Variants in DPP6 observed in about 807,000 individuals in gnomAD.
DPP6 encodes the protein dipeptidyl peptidase like 6, also known as A-type potassium channel modulatory protein DPP6.
In DPP6, 69 loss-of-function variants were observed where a neutral mutation model predicts 122.6. That is an observed-to-expected ratio of 0.56 (90% CI 0.46 to 0.69). The LOEUF is 0.69. DPP6 is among the 30% of genes least tolerant of loss of function. The pLI, the probability that DPP6 is intolerant of heterozygous loss-of-function variation, is 0.00. For missense variants in DPP6, 928 were observed against 1,116.9 expected, an observed-to-expected ratio of 0.83 and a Z score of 2.41; for synonymous variants, 418 against 433.1, an observed-to-expected ratio of 0.97 and a Z score of 0.43.
At chr7:154,547,392 C>T (rs533356603) in intron 4 of DPP6, among the ~76,000 whole-genome samples, 10 of 152,120 alleles carry the variant, frequency 6.6e-5, no homozygotes, top group Admixed American at 1.3e-4. Flanking sequence ...AGATTTCTGG[C>T]GTCTCTTGAA....
intron 1 of DPP6, among the ~76,000 whole-genome samples, chr7:154,132,119 G>A (rs1462248813): frequency 6.6e-6 from 1 of 152,006 alleles, no homozygotes; most frequent in African/African-American, 2.4e-5. Flanking sequence ...AGGTCTTAGT[G>A]TTCTACCTGG....
chr7:154,155,255 C>G (rs1796621845), intron 1 of DPP6, among the ~76,000 whole-genome samples: 1 of 152,204 alleles, frequency 6.6e-6, no homozygotes, highest in Non-Finnish European at 1.5e-5. Context: ...GGGTTTAGAA[C>G]CTTGTCCCCG....
Position 154,166,638 on chromosome 7 carries a change from T to C in DPP6, c.243+113575T>C, listed in dbSNP as rs749086525. On this transcript the variant is annotated intron_variant, in intron 1 of 25. Transcript: ENST00000377770. ...TAGAAAAGTTTTCATATGGCCGGGC[T>C]CAGTGGCTCATGCTGTAATCCCGGC... is the stretch of plus-strand genomic sequence containing the variant. Among the ~76,000 whole-genome samples, 31 of 142,416 alleles carry C rather than the reference T, an allele frequency of 2.2e-4. 1 individual carries two copies. Among genetic ancestry groups the C allele is most frequent in the Non-Finnish European group, 4.3e-4 (29 of 67,260 alleles). 93.4% of individuals were successfully genotyped at this position (142,416 alleles called of 152,430 possible). A position where few individuals can be genotyped will look rare whatever the true frequency, so the allele number is the denominator to read the frequency against.
intron 1 of DPP6, among the ~76,000 whole-genome samples, chr7:154,268,339 G>A (rs1803570036): frequency 6.6e-6 from 1 of 152,160 alleles, no homozygotes; most frequent in African/African-American, 2.4e-5. Context: ...ATTGCTCACG[G>A]TTCTGGAACT....
At chr7:153,877,241 CT>C in the DPP6 span, among the ~76,000 whole-genome samples, 1 of 152,120 alleles carries the variant, frequency 6.6e-6, no homozygotes, top group Non-Finnish European at 1.5e-5. Context: ...TGCAATCACA[CT>C]TACCTTAAGA....
At chr7:154,592,592 C>T (rs1203633479) in intron 5 of DPP6, among the ~76,000 whole-genome samples, 1 of 151,908 alleles carries the variant, frequency 6.6e-6, no homozygotes, top group Non-Finnish European at 1.5e-5. Context: ...AGGTAAAGGA[C>T]AGGGAGCAAA....
intron 16 of DPP6, among the ~76,000 whole-genome samples, chr7:154,818,270 C>T (rs1425024003): frequency 2.0e-5 from 3 of 152,038 alleles, no homozygotes; most frequent in Middle Eastern, 3.2e-3. Flanking sequence ...AGGCTGTTGC[C>T]CAGGGTTTCT....
intron 5 of DPP6, among the ~76,000 whole-genome samples, chr7:154,630,784 G>T (rs1835360022): frequency 6.6e-6 from 1 of 152,032 alleles, no homozygotes; most frequent in Non-Finnish European, 1.5e-5. Flanking sequence ...GGGCCTGTCG[G>T]GGGATGGGAG....
At chr7:154,699,590 A>C (rs1840400652) in intron 7 of DPP6, among the ~76,000 whole-genome samples, 1 of 152,212 alleles carries the variant, frequency 6.6e-6, no homozygotes, top group Non-Finnish European at 1.5e-5. Flanking sequence ...AGGGGCTCTG[A>C]GTCACCTGGG....
intron 17 of DPP6, among the ~76,000 whole-genome samples, chr7:154,864,913 A>G (rs568537553): frequency 6.6e-6 from 1 of 152,352 alleles, no homozygotes; most frequent in African/African-American, 2.4e-5. Context: ...CGTTAGCTCT[A>G]GGCAAGCTTA....
chr7:153,944,796 A>C (rs745574258), intron 1 of DPP6, among the ~76,000 whole-genome samples: 1 of 150,086 alleles, frequency 6.7e-6, no homozygotes, highest in Non-Finnish European at 1.5e-5. Context: ...ACGCCTGGCT[A>C]ATTTTTGTAT....
chr7:154,879,667 G>A (rs1431784282), intron 20 of DPP6, among the ~76,000 whole-genome samples: 1 of 151,656 alleles, frequency 6.6e-6, no homozygotes, highest in Non-Finnish European at 1.5e-5. Flanking sequence ...CAGGAGGATC[G>A]CTTGAACCTG....
At position 154,833,939 on chromosome 7, in the gene DPP6, G is replaced by A. The variant is rs149577577; in HGVS notation, c.1667-19841G>A. The stretch of plus-strand genomic sequence containing the variant: ...GGCCTGGATGGTCCCGGGGCTGCAC[G>A]GATGTAGCTCATCTTCACGCAGACA... On this transcript the variant is annotated intron_variant, in intron 16 of 25. Transcript: ENST00000377770. This position sits in a 1 kb window ranked among gnomAD's most constrained non-coding sequence, Gnocchi z 4.3. 5.9e-5 allele frequency among the ~76,000 whole-genome samples: 9 copies of A among 152,248 alleles called. No individual in the cohort carries two copies. In the East Asian group the frequency reaches 7.8e-4, roughly 13 times the overall value.
chr7:153,882,587 A>C (rs2128989368), upstream of DPP6, among the ~76,000 whole-genome samples: 1 of 152,386 alleles, frequency 6.6e-6, no homozygotes, highest in Non-Finnish European at 1.5e-5. Context: ...CTTTAATCAA[A>C]GCAGTTGCTA....
chr7:154,345,132 G>T (rs1340627606), intron 1 of DPP6, among the ~76,000 whole-genome samples: 1 of 152,138 alleles, frequency 6.6e-6, no homozygotes, highest in Non-Finnish European at 1.5e-5. Context: ...GAGGCTGAAA[G>T]TCGAGGATGA....
intron 1 of DPP6, among the ~76,000 whole-genome samples, chr7:154,042,485 C>T (rs1006122842): frequency 8.5e-5 from 13 of 152,140 alleles, no homozygotes; most frequent in African/African-American, 3.1e-4. Context: ...TGAAAAATGT[C>T]AAGCTTTTCT....
At chr7:154,696,450 C>G (rs1221147288) in intron 7 of DPP6, among the ~76,000 whole-genome samples, 1 of 152,184 alleles carries the variant, frequency 6.6e-6, no homozygotes, top group African/African-American at 2.4e-5. Flanking sequence ...GTGCAAATGT[C>G]CCCTCATTTG....
chr7:153,912,664 C>G (rs1007642195), intron 1 of DPP6, among the ~76,000 whole-genome samples: 1 of 152,160 alleles, frequency 6.6e-6, no homozygotes, highest in African/African-American at 2.4e-5. Context: ...GGGCAATCTT[C>G]CTCATGTTGA....
chr7:154,534,438 A>G (rs190153372), intron 3 of DPP6, among the ~76,000 whole-genome samples: 2 of 152,316 alleles, frequency 1.3e-5, no homozygotes, highest in South Asian at 2.1e-4. Context: ...AGGAAGGAGT[A>G]GACCTGTCCT....
Sources: allele counts gnomAD v4.1 joint callset (sites outside exome capture counted in the v4.1 genomes callset), GRCh38; gene constraint gnomAD v4.1.1; non-coding constraint Gnocchi (gnomAD v3.1); transcripts MANE v1.5; gene names NCBI Gene and HGNC (gene_info 2026-07-23, HGNC 2026-07-21).